The following DIP2C variants were observed in gnomAD, a reference collection of about 807,000 sequenced individuals.
DIP2C encodes the protein disco-interacting protein 2 homolog C.
Under a neutral mutation model 192.4 loss-of-function variants are expected in DIP2C, and 33 were observed. The ratio of observed to expected loss-of-function variants is 0.17; its 90% CI spans 0.13 to 0.23. The LOEUF (loss-of-function observed/expected upper bound fraction) is 0.23, where lower values mean the gene tolerates loss of function less well. Among genes scored for constraint, DIP2C ranks in the 10% least tolerant of loss-of-function variants. The pLI, the probability that DIP2C is intolerant of heterozygous loss-of-function variation, is 1.00. For missense variants in DIP2C, 1,537 were observed against 2,110.1 expected (o/e 0.73, Z 5.32); for synonymous variants, 979 against 864.1 (o/e 1.13, Z -2.33).
At chr10:528,601 G>A (rs958375759) in intron 1 of DIP2C, among the ~76,000 whole-genome samples, 4 of 152,212 alleles carry the variant, frequency 2.6e-5, no homozygotes, top group Non-Finnish European at 5.9e-5. Context: ...CTGTGCAGAT[G>A]GCAGCTGTGC....
At chr10:376,707 T>A (rs1564633126) in intron 17 of DIP2C, among the ~76,000 whole-genome samples, 1 of 152,186 alleles carries the variant, frequency 6.6e-6, no homozygotes, top group Non-Finnish European at 1.5e-5. Context: ...ACATCTCCTC[T>A]GCTTTCTTTC....
chr10:504,170 C>T (rs577567288), intron 1 of DIP2C, among the ~76,000 whole-genome samples: 88 of 152,330 alleles, frequency 5.8e-4, no homozygotes, highest in Admixed American at 1.8e-3. Context: ...AGTATTTATC[C>T]CCATCTCCTT....
chr10:294,089 T>C (rs1955627141), intron 32 of DIP2C, among the ~76,000 whole-genome samples: 1 of 152,234 alleles, frequency 6.6e-6, no homozygotes, highest in African/African-American at 2.4e-5. Context: ...CAAACTCTTC[T>C]GTCCATCCTT....
chr10:550,581 G>C (rs915308107), intron 1 of DIP2C, among the ~76,000 whole-genome samples: 8 of 152,100 alleles, frequency 5.3e-5, no homozygotes, highest in Admixed American at 5.2e-4. Flanking sequence ...ACAACAATCA[G>C]ATCTGTGACC....
chr10:467,548 TAAA>T (rs1970316118), intron 3 of DIP2C, among the ~76,000 whole-genome samples: 2 of 74,304 alleles, frequency 2.7e-5, no homozygotes, highest in Non-Finnish European at 6.0e-5. Context: ...ATAAATAAAA[TAAA>T]AATTATTTAA....
chr10:643,006 C>T (rs1855277256), intron 1 of DIP2C, among the ~76,000 whole-genome samples: 1 of 147,182 alleles, frequency 6.8e-6, no homozygotes, highest in East Asian at 2.0e-4. Flanking sequence ...CAGTTTAAGA[C>T]CAGCCAGACC....
chr10:547,578 TG>T (rs879892143), intron 1 of DIP2C, among the ~76,000 whole-genome samples: 4 of 152,178 alleles, frequency 2.6e-5, no homozygotes, highest in Admixed American at 6.5e-5. Context: ...AAAAAGGGGC[TG>T]GAACAGTCTC....
intron 1 of DIP2C, among the ~76,000 whole-genome samples, chr10:495,904 A>G (rs1017585902): frequency 2.0e-5 from 3 of 151,286 alleles, no homozygotes; most frequent in Non-Finnish European, 4.4e-5. Flanking sequence ...ATTACTTGCA[A>G]TACCCCAAAG....
chr10:304,745 C>A (rs1210646451), intron 32 of DIP2C, among the ~76,000 whole-genome samples: 1 of 81,102 alleles, frequency 1.2e-5, no homozygotes, highest in East Asian at 2.6e-4. Flanking sequence ...AACATACTTA[C>A]ACACACATAA....
chr10:338,949 T>C (rs1474759619), intron 29 of DIP2C, among the ~76,000 whole-genome samples: 5 of 151,224 alleles, frequency 3.3e-5, no homozygotes, highest in Non-Finnish European at 7.4e-5. Flanking sequence ...GCTCCCACAA[T>C]GCACCCTGCC....
chr10:653,483 C>T (rs1856083983), intron 1 of DIP2C, among the ~76,000 whole-genome samples: 1 of 152,134 alleles, frequency 6.6e-6, no homozygotes, highest in African/African-American at 2.4e-5. Flanking sequence ...CAAAAAACAA[C>T]ATATGCATTC....
chr10:534,052 C>T (rs1018671899), intron 1 of DIP2C, among the ~76,000 whole-genome samples: 2 of 152,144 alleles, frequency 1.3e-5, no homozygotes, highest in Admixed American at 1.3e-4. Flanking sequence ...ATGAAGCCCA[C>T]GCCCCCTTCT....
intron 1 of DIP2C, among the ~76,000 whole-genome samples, chr10:532,560 A>AGAGAGAGAGTATGGGTGT (rs1564824412): frequency 1.0e-5 from 1 of 97,246 alleles, no homozygotes; most frequent in African/African-American, 4.6e-5. Flanking sequence ...AGTATGGGTG[A>AGAGAGAGAGTATGGGTGT]GAGAGAGAGT....
chr10:536,816 T>C (rs1013094122), intron 1 of DIP2C, among the ~76,000 whole-genome samples: 1 of 152,092 alleles, frequency 6.6e-6, no homozygotes, highest in African/African-American at 2.4e-5. Context: ...GTGTGGGAAA[T>C]CCAAAGGGAA....
intron 3 of DIP2C, among the ~76,000 whole-genome samples, chr10:467,963 T>C (rs1970355518): frequency 6.6e-6 from 1 of 152,082 alleles, no homozygotes; most frequent in Non-Finnish European, 1.5e-5. Context: ...AAAAAATATA[T>C]ATAAATTAAA....
chr10:459,118 T>C (rs1969541762), intron 3 of DIP2C, among the ~76,000 whole-genome samples: 1 of 152,186 alleles, frequency 6.6e-6, no homozygotes, highest in Non-Finnish European at 1.5e-5. Context: ...TTTTGATATT[T>C]GTGGCATTAG....
chr10:597,740 CAT>C (rs1851800799), intron 1 of DIP2C, among the ~76,000 whole-genome samples: 1 of 152,214 alleles, frequency 6.6e-6, no homozygotes, highest in Admixed American at 6.5e-5. Context: ...TCTGTCCCTT[CAT>C]GTTTTTATAC....
intron 1 of DIP2C, among the ~76,000 whole-genome samples, chr10:506,360 C>T (rs1845593839): frequency 6.6e-6 from 1 of 152,252 alleles, no homozygotes; most frequent in South Asian, 2.1e-4. Context: ...GGGGTTGGGA[C>T]AGCAGCAGCA....
At chr10:539,965 A>C (rs370512669) in intron 1 of DIP2C, among the ~76,000 whole-genome samples, 6 of 152,220 alleles carry the variant, frequency 3.9e-5, no homozygotes, top group African/African-American at 1.4e-4. Flanking sequence ...CCAGAAAAAA[A>C]CAAGATGATC....
Sources: allele counts gnomAD v4.1 joint callset (sites outside exome capture counted in the v4.1 genomes callset), GRCh38; gene constraint gnomAD v4.1.1; transcripts MANE v1.5; gene names NCBI Gene and HGNC (gene_info 2026-07-23, HGNC 2026-07-21).